The following DIAPH3 variants were observed in gnomAD, a reference collection of about 807,000 sequenced individuals.
DIAPH3 encodes the protein protein diaphanous homolog 3.
A neutral mutation model predicts 144.3 loss-of-function variants in DIAPH3; 117 were observed. The ratio of observed to expected loss-of-function variants is 0.81; its 90% confidence interval spans 0.70 to 0.95. The LOEUF (loss-of-function observed/expected upper bound fraction) is 0.95. Ranked by LOEUF, DIAPH3 falls within the 40% of genes least tolerant of loss-of-function variation. The pLI is 0.00. For missense variants in DIAPH3, 1,421 were observed against 1,412.7 expected, an observed-to-expected ratio of 1.01 and a Z score of -0.09; for synonymous variants, 519 against 488.9, an observed-to-expected ratio of 1.06 and a Z score of -0.81.
At chr13:59,932,817 TAA>T (rs2048085923) in intron 17 of DIAPH3, among the ~76,000 whole-genome samples, 1 of 152,132 alleles carries the variant, frequency 6.6e-6, no homozygotes. Context: ...CAGAACTGCC[TAA>T]GAGAGAAAAC....
At chr13:59,713,130 G>A (rs2034837767) in intron 27 of DIAPH3, among the ~76,000 whole-genome samples, 1 of 152,104 alleles carries the variant, frequency 6.6e-6, no homozygotes, top group Admixed American at 6.5e-5. Context: ...CCTATCTGTG[G>A]CCTGGGGGTT....
intron 2 of DIAPH3, among the ~76,000 whole-genome samples, chr13:60,129,559 A>G (rs1260501356): frequency 6.6e-6 from 1 of 152,234 alleles, no homozygotes; most frequent in Non-Finnish European, 1.5e-5. Flanking sequence ...TAGGTTTTTA[A>G]CATTAATGCT....
At chr13:59,965,411 G>A (rs973791279) in intron 17 of DIAPH3, among the ~76,000 whole-genome samples, 1 of 151,936 alleles carries the variant, frequency 6.6e-6, no homozygotes, top group Non-Finnish European at 1.5e-5. Context: ...CCTATTAACA[G>A]TTTGTGAATA....
chr13:59,896,351 C>A (rs1333095460), intron 20 of DIAPH3, among the ~76,000 whole-genome samples: 1 of 152,106 alleles, frequency 6.6e-6, no homozygotes, highest in Non-Finnish European at 1.5e-5. Flanking sequence ...ATGCCATTAA[C>A]CTGAAACTCC....
rs150667656 is a variant in DIAPH3 at position 59,720,444 on chromosome 13, A to T, written c.3320-53598T>A. ...GAAAATTTTTTTATTTTGTAAAAAA[A>T]GTTCTTAAAAATTGAACATAAAATA... On this transcript the variant is annotated intron_variant, in intron 27 of 27. Transcript: ENST00000400324. 2.4e-3 allele frequency among the ~76,000 whole-genome samples: 372 copies of T among 152,342 alleles called. 1 individual carries two copies. The highest frequency in any genetic ancestry group is 8.3e-3 in the African/African-American group (344 of 41,580).
intron 20 of DIAPH3, among the ~76,000 whole-genome samples, chr13:59,894,048 T>G (rs779081160): frequency 5.3e-4 from 81 of 152,066 alleles, no homozygotes; most frequent in Non-Finnish European, 1.0e-3. Context: ...CATCTGGTAT[T>G]TGGGTTATGC....
Position 59,873,413 on chromosome 13 carries a change from T to C in DIAPH3, c.2607+5816A>G, listed in dbSNP as rs75331107. 3.2e-3 allele frequency among the ~76,000 whole-genome samples: 493 copies of C among 152,284 alleles called. 3 individuals are homozygous for C. Among genetic ancestry groups the C allele is most frequent in the African/African-American group, 0.011 (468 of 41,564 alleles). ...CACAAAAACGACTCACAGTGTTAAC[T>C]TGTGTGAGTGTGACAGGTATGCAAA... On this transcript the variant is annotated intron_variant, in intron 21 of 27. Coordinates refer to ENST00000400324, the MANE Select transcript of DIAPH3 (RefSeq NM_001042517.2).
intron 7 of DIAPH3, chr13:60,013,290 G>A (rs949719442): frequency 2.3e-6 from 2 of 876,346 alleles, no homozygotes; most frequent in African/African-American, 3.6e-5. Context: ...GTAGAGGAAA[G>A]TTAATGCTCT....
chr13:59,917,804 T>C (rs1466537065), intron 18 of DIAPH3, among the ~76,000 whole-genome samples: 1 of 144,758 alleles, frequency 6.9e-6, no homozygotes, highest in East Asian at 2.0e-4. Context: ...GCAGAAGTAT[T>C]GCTTGAAACT....
At chr13:59,898,343 T>A (rs911103791) in intron 20 of DIAPH3, among the ~76,000 whole-genome samples, 1 of 152,024 alleles carries the variant, frequency 6.6e-6, no homozygotes, top group Non-Finnish European at 1.5e-5. Flanking sequence ...AAGAAACTCA[T>A]ACAACGTTTC....
At chr13:60,134,775 GT>G (rs1190155834) in intron 1 of DIAPH3, among the ~76,000 whole-genome samples, 1 of 151,396 alleles carries the variant, frequency 6.6e-6, no homozygotes, top group Non-Finnish European at 1.5e-5. Context: ...TGCTTAAAAA[GT>G]AAAGCCAAAG....
chr13:60,009,283 C>A (rs566498567), intron 8 of DIAPH3, among the ~76,000 whole-genome samples: 2 of 152,216 alleles, frequency 1.3e-5, no homozygotes, highest in South Asian at 4.1e-4. Context: ...GCTCACAGTT[C>A]GTGGACATGG....
At chr13:59,912,860 T>C (rs73196167) in intron 19 of DIAPH3, among the ~76,000 whole-genome samples, 8,644 of 152,026 alleles carry the variant, frequency 0.057, 293 homozygotes, top group Admixed American at 0.1. Flanking sequence ...ATCAATTAGA[T>C]CAAAGAATAA....
chr13:59,907,396 G>A lies in DIAPH3; in HGVS notation c.2367+4339C>T, dbSNP rs2046793347. Among the ~76,000 whole-genome samples, 4 of 152,178 alleles carry A rather than the reference G, an allele frequency of 2.6e-5. No individual in the cohort carries two copies. The South Asian group carries it at 8.3e-4, about 32-fold the overall frequency. ...AGGGCACTCCTCTAAAACACCATTT[G>A]GCCAGGATCCTTAGTCTTTTAGCAT... On this transcript the variant is annotated intron_variant, in intron 20 of 27. Coordinates refer to ENST00000400324, the MANE Select transcript of DIAPH3 (RefSeq NM_001042517.2).
chr13:60,114,783 T>C (rs1231350929), intron 2 of DIAPH3, among the ~76,000 whole-genome samples: 1 of 151,874 alleles, frequency 6.6e-6, no homozygotes, highest in Non-Finnish European at 1.5e-5. Flanking sequence ...AAATACATTA[T>C]ATACACGAGA....
chr13:59,831,615 C>G (rs148052019), intron 24 of DIAPH3, among the ~76,000 whole-genome samples: 2 of 151,974 alleles, frequency 1.3e-5, no homozygotes, highest in East Asian at 3.9e-4. Context: ...CAAATGGAGA[C>G]AGTGTGGCCC....
At chr13:60,095,647 C>T (rs1424046138) in intron 3 of DIAPH3, among the ~76,000 whole-genome samples, 1 of 151,336 alleles carries the variant, frequency 6.6e-6, no homozygotes, top group African/African-American at 2.4e-5. Flanking sequence ...TCTGTCTGGA[C>T]CAGTTTCTGT....
chr13:59,695,244 A>G (rs2033737409), intron 27 of DIAPH3: 1 of 152,230 alleles, frequency 6.6e-6, no homozygotes, highest in South Asian at 2.1e-4. Context: ...GTTGTAGCTG[A>G]TATTTACTTG....
intron 27 of DIAPH3, among the ~76,000 whole-genome samples, chr13:59,698,237 A>G (rs1398757796): frequency 6.6e-6 from 1 of 152,200 alleles, no homozygotes; most frequent in Non-Finnish European, 1.5e-5. Context: ...ACATTTATGA[A>G]GTACACCATG....
Sources: allele counts gnomAD v4.1 joint callset (sites outside exome capture counted in the v4.1 genomes callset), GRCh38; gene constraint gnomAD v4.1.1; transcripts MANE v1.5; gene names NCBI Gene and HGNC (gene_info 2026-07-23, HGNC 2026-07-21).